The following TBX2 variants were observed in gnomAD, a reference collection of about 807,000 sequenced individuals.
TBX2 encodes the protein T-box transcription factor TBX2.
A neutral mutation model predicts 48.4 loss-of-function variants in TBX2; 19 were observed. The observed-to-expected ratio is 0.39, with a 90% CI of 0.27 to 0.58. TBX2 has a LOEUF of 0.58. TBX2 is among the 20% of genes least tolerant of loss of function. The pLI is 0.54. For synonymous variants in TBX2, 522 were observed against 459.7 expected (o/e 1.14, Z -1.73); for missense variants, 994 against 1,006.5 (o/e 0.99, Z 0.17).
At position 61,405,438 on chromosome 17, in the gene TBX2, C is replaced by T. The variant is rs2060284640; in HGVS notation, c.1288C>T (p.Arg430Trp). 3 of 1,563,354 alleles carry T rather than the reference C, an allele frequency of 1.9e-6. No individual in the cohort carries two copies. Among genetic ancestry groups the T allele is most frequent in the Non-Finnish European group, 1.7e-6 (2 of 1,158,446 alleles). ...RSLEKERAEA[R>W]RKDEGRKEAA... ...CCTGGAGAAGGAGCGCGCCGAAGCT[C>T]GGAGGAAGGACGAGGGGCGCAAGGA... The change falls in exon 6 of 7, where the codon CGG (arginine) becomes TGG (tryptophan). Residue 430 changes from arginine (R) to tryptophan (W), a missense_variant. Around this residue, in one of 5 missense-constraint regions of TBX2, gnomAD observed 639 missense variants for 613.2 expected, o/e 1.04. Coordinates refer to ENST00000240328, the MANE Select transcript of TBX2 (RefSeq NM_005994.4).
rs1201672852 is a variant in TBX2 at position 61,403,054 on chromosome 17, C to T, written c.664-7C>T. On this transcript the variant is annotated splice_polypyrimidine_tract_variant and splice_region_variant and intron_variant, in intron 2 of 6. Transcript: ENST00000240328. The surrounding 1 kb of genome is among the most constrained non-coding windows in gnomAD (Gnocchi z 5.8). ...TGGCTGCCGGCTGACCCCCACCCTC[C>T]CCGCAGACCATCCTAAACTCCATGC... 1.9e-6 allele frequency: 3 copies of T among 1,605,180 alleles called. No individual in the cohort carries two copies. Among genetic ancestry groups the T allele is most frequent in the South Asian group, 1.1e-5 (1 of 90,316 alleles).
In TBX2 at chr17:61,406,014, A is replaced by G. The variant is rs978900376; in HGVS notation, c.1686+178A>G. On this transcript the variant is annotated intron_variant, in intron 6 of 6. Transcript: ENST00000240328. This position sits in a 1 kb window ranked among gnomAD's most constrained non-coding sequence, Gnocchi z 5.7. ...GACACCTGGGTTCTGAGAGACGAGG[A>G]CTGTGTTGTAAGTCCAGGGGCTGGC... 1.7e-6 allele frequency: 1 copy of G among 592,480 alleles called. No individual in the cohort carries two copies. The highest frequency in any genetic ancestry group is 2.5e-6 in the Non-Finnish European group (1 of 406,310). 36.7% of individuals were successfully genotyped at this position (592,480 alleles called of 1,614,324 possible). A position where few individuals can be genotyped will look rare whatever the true frequency, so the allele number is the denominator to read the frequency against.
intron 2 of TBX2, 111 bp downstream of exon 2, chr17:61,402,062 C>T: frequency 7.6e-6 from 11 of 1,440,016 alleles, no homozygotes; most frequent in Non-Finnish European, 1.0e-5. Context: ...TGGGCAAACC[C>T]CCAGAGTGCC....
At chr17:61,402,514 C>G (rs1212888997) in intron 2 of TBX2, among the ~76,000 whole-genome samples, 1 of 147,982 alleles carries the variant, frequency 6.8e-6, no homozygotes, top group Non-Finnish European at 1.5e-5. Context: ...TATGCCTGAG[C>G]AAGGCCCCAG....
chr17:61,405,874 GA>G, intron 6 of TBX2, 38 bp downstream of exon 6: 1 of 1,283,750 alleles, frequency 7.8e-7, no homozygotes, highest in Non-Finnish European at 9.8e-7. Context: ...CAGCGAGGGA[GA>G]AGGCCCAGGG....
At position 61,401,723 on chromosome 17, in the gene TBX2, G is replaced by A; in HGVS notation, c.435G>A (p.Leu145=). Residue 145 remains leucine, a synonymous_variant, in exon 2 of 7, where the codon CTG becomes CTA. Transcript: ENST00000240328. ...CCTTCAAGGTGCGAGTCAGCGGCCTGGACAAGAAGGCCAAGTATATCCTGC... is the reference window on the plus strand; with the variant it reads ...CCTTCAAGGTGCGAGTCAGCGGCCTAGACAAGAAGGCCAAGTATATCCTGC... ...FPPFKVRVSG[L]DKKAKYILLM... 6.2e-7 allele frequency: 1 copy of A among 1,612,970 alleles called. No individual in the cohort carries two copies. The highest frequency in any genetic ancestry group is 8.5e-7 in the Non-Finnish European group (1 of 1,179,988).
chr17:61,400,569 G>C lies in TBX2; in HGVS notation c.393G>C (p.Gly131=). The C allele has an allele frequency of 6.4e-7, 1 of 1,552,100 alleles. No individual in the cohort carries two copies. The highest frequency in any genetic ancestry group is 8.7e-7 in the Non-Finnish European group (1 of 1,147,724). The change falls in exon 1 of 7, where the codon GGG becomes GGC. Residue 131 remains glycine (G), a splice_region_variant and synonymous_variant. Transcript: ENST00000240328. This position sits in a 1 kb window ranked among gnomAD's most constrained non-coding sequence, Gnocchi z 9.2. ...CGGAGATGGTCATCACCAAGTCCGG[G>C]AGGTAGGGCTGCCGGCCGGCTGGAA... ...LGTEMVITKS[G]RRMFPPFKVR...
rs1453660758 is a variant in TBX2, at chr17:61,401,939, C to A, written c.651C>A (p.Asp217Glu). Residue 217 changes from aspartate (D) to glutamate (E), a missense_variant, in exon 2 of 7, where the codon GAC (aspartate) becomes GAA (glutamate). Asp to Glu is a conservative substitution (Grantham distance 45, BLOSUM62 2). Coordinates refer to ENST00000240328, the MANE Select transcript of TBX2 (RefSeq NM_005994.4). Reference protein sequence around the residue: ...HKLKLTNNISDKHGFTILNSM... With the variant: ...HKLKLTNNISEKHGFTILNSM... The stretch of plus-strand genomic sequence containing the variant: ...TGAAGCTGACCAACAACATCTCTGA[C>A]AAGCACGGCTTCGTGAGTGTTGGGG... 4.4e-6 allele frequency: 7 copies of A among 1,600,698 alleles called. No individual in the cohort carries two copies. In the African/African-American group the frequency reaches 8.0e-5, roughly 18 times the overall value.
chr17:61,401,031 A>C (rs1375405622), intron 1 of TBX2, among the ~76,000 whole-genome samples: 1 of 152,164 alleles, frequency 6.6e-6, no homozygotes, highest in East Asian at 1.9e-4. Flanking sequence ...GGTTCCTGGC[A>C]GCGAGCCCCG....
In TBX2 at chr17:61,405,822, A is replaced by G; in HGVS notation, c.1672A>G (p.Met558Val). The change falls in exon 6 of 7, where the codon ATG (methionine) becomes GTG (valine). Residue 558 changes from methionine (M) to valine (V), a missense_variant. Around this residue, in one of 5 missense-constraint regions of TBX2, gnomAD observed 639 missense variants for 613.2 expected, o/e 1.04. Transcript: ENST00000240328. Reference sequence around the variant, plus strand: ...CTTCCCGTTCCACCTCTCCCAGCACATGCTGGCATCTCAGGTAAGGCCTGT... The same window carrying G: ...CTTCCCGTTCCACCTCTCCCAGCACGTGCTGGCATCTCAGGTAAGGCCTGT... Reference protein sequence around the residue: ...APFPFHLSQHMLASQGIPMPT... With the variant: ...APFPFHLSQHVLASQGIPMPT... 3.8e-6 allele frequency: 5 copies of G among 1,319,076 alleles called. No homozygotes were observed. Among genetic ancestry groups the G allele is most frequent in the Non-Finnish European group, 4.8e-6 (5 of 1,040,848 alleles). The allele number at this position is 1,319,076 out of a possible 1,614,324, so 81.7% of individuals were successfully genotyped here.
intron 5 of TBX2, 49 bp from the exon 6 acceptor site, chr17:61,405,153 C>T (rs1324844751): frequency 2.0e-6 from 3 of 1,466,832 alleles, no homozygotes; most frequent in South Asian, 1.4e-5. Context: ...TGATCCTGCT[C>T]GTCGGCCTCC....
chr17:61,400,150 C>G lies in TBX2; in HGVS notation c.-27C>G, dbSNP rs1386498553. On this transcript the variant is annotated 5_prime_UTR_variant, in exon 1 of 7. Transcript: ENST00000240328. This position sits in a 1 kb window ranked among gnomAD's most constrained non-coding sequence, Gnocchi z 9.2. ...GCGCGCCCCCGGCCCCGGCCCCGGCCCCCGGGCGCCTGGGCCGGATGTCCC... is the reference window on the plus strand; with the variant it reads ...GCGCGCCCCCGGCCCCGGCCCCGGCGCCCGGGCGCCTGGGCCGGATGTCCC... The G allele has an allele frequency of 1.0e-6, 1 of 999,046 alleles. No individual in the cohort carries two copies. Among genetic ancestry groups the G allele is most frequent in the Non-Finnish European group, 1.2e-6 (1 of 837,930 alleles). 61.9% of individuals were successfully genotyped at this position (999,046 alleles called of 1,614,324 possible). A position where few individuals can be genotyped will look rare whatever the true frequency, so the allele number is the denominator to read the frequency against.
intron 1 of TBX2, 104 bp from the exon 2 acceptor site, chr17:61,401,580 G>GGCAGC: frequency 6.9e-7 from 1 of 1,444,218 alleles, no homozygotes; most frequent in Non-Finnish European, 9.2e-7. Context: ...ACAGCCAGGC[G>GGCAGC]GCAGCGGTGT....
At position 61,403,053 on chromosome 17, in the gene TBX2, C is replaced by T. The variant is rs1462634621; in HGVS notation, c.664-8C>T. ...GTGGCTGCCGGCTGACCCCCACCCTCCCCGCAGACCATCCTAAACTCCATG... is the reference window on the plus strand; with the variant it reads ...GTGGCTGCCGGCTGACCCCCACCCTTCCCGCAGACCATCCTAAACTCCATG... On this transcript the variant is annotated splice_polypyrimidine_tract_variant and splice_region_variant and intron_variant, in intron 2 of 6. Coordinates refer to ENST00000240328, the MANE Select transcript of TBX2 (RefSeq NM_005994.4). The surrounding 1 kb of genome is among the most constrained non-coding windows in gnomAD (Gnocchi z 5.8). The T allele has an allele frequency of 2.5e-6, 4 of 1,605,228 alleles. No individual in the cohort carries two copies. Among genetic ancestry groups the T allele is most frequent in the Non-Finnish European group, 3.4e-6 (4 of 1,176,298 alleles).
chr17:61,408,165 G>A lies in TBX2; in HGVS notation c.1798G>A (p.Ala600Thr), dbSNP rs556896861. The part of the protein sequence containing the change: ...LPATSAAAAA[A>T]AAAGSLSRSP... ...CGCCACTAGTGCTGCAGCTGCCGCCGCCGCAGCCGCCGGCTCCCTCTCCCG... is the reference window on the plus strand; with the variant it reads ...CGCCACTAGTGCTGCAGCTGCCGCCACCGCAGCCGCCGGCTCCCTCTCCCG... The change falls in exon 7 of 7, where the codon GCC (alanine) becomes ACC (threonine). Residue 600 changes from alanine to threonine, a missense_variant. Ala to Thr is a moderately conservative substitution (Grantham distance 58, BLOSUM62 0). This residue lies in a region of TBX2 where 639 missense variants were observed against 613.2 expected (regional missense o/e 1.04). Transcript: ENST00000240328. 23 of 1,612,326 alleles carry A rather than the reference G, an allele frequency of 1.4e-5. No homozygotes were observed. In the Middle Eastern group the frequency reaches 5.0e-4, roughly 35 times the overall value.
chr17:61,407,640 A>C, intron 6 of TBX2: 1 of 171,206 alleles, frequency 5.8e-6, no homozygotes, highest in South Asian at 1.9e-4. Flanking sequence ...CAGAGCCTGC[A>C]GATAGGAGGG....
chr17:61,404,295 G>A, intron 3 of TBX2, 126 bp from the exon 4 acceptor site: 2 of 1,209,370 alleles, frequency 1.7e-6, no homozygotes, highest in Non-Finnish European at 2.3e-6. Flanking sequence ...ATCCCAGGCG[G>A]GTGGGTACCA....
intron 5 of TBX2, chr17:61,404,995 C>A: frequency 7.7e-7 from 1 of 1,290,364 alleles, no homozygotes; most frequent in Non-Finnish European, 1.1e-6. Context: ...CCGTGTAATT[C>A]TATAGCTGTA....
rs193110425 is a variant in TBX2, at chr17:61,405,470, C to G, written c.1320C>G (p.Ala440=). The change falls in exon 6 of 7, where the codon GCC becomes GCG. Residue 440 remains alanine, a synonymous_variant. Coordinates refer to ENST00000240328, the MANE Select transcript of TBX2 (RefSeq NM_005994.4). ...AGGACGAGGGGCGCAAGGAGGCGGCCGAGGGCAAGGAGCAGGGCCTGGCGC... is the reference window on the plus strand; with the variant it reads ...AGGACGAGGGGCGCAAGGAGGCGGCGGAGGGCAAGGAGCAGGGCCTGGCGC... ...RRKDEGRKEA[A]EGKEQGLAPL... is the part of the protein sequence containing the mutation. 3.2e-6 allele frequency: 5 copies of G among 1,577,662 alleles called. No individual in the cohort carries two copies. Among genetic ancestry groups the G allele is most frequent in the African/African-American group, 1.3e-5 (1 of 74,106 alleles).
Sources: allele counts gnomAD v4.1 joint callset (sites outside exome capture counted in the v4.1 genomes callset), GRCh38; gene constraint gnomAD v4.1.1; regional missense constraint gnomAD v4.1.1; non-coding constraint Gnocchi (gnomAD v3.1); transcripts MANE v1.5; gene names NCBI Gene and HGNC (gene_info 2026-07-23, HGNC 2026-07-21).